PCDHGA6: variants seen among roughly 807,000 people sequenced by gnomAD.
PCDHGA6 encodes protocadherin gamma subfamily A, 6.
In PCDHGA6, 41 loss-of-function variants were observed where a neutral mutation model predicts 60.6. The ratio of observed to expected loss-of-function variants is 0.68; its 90% confidence interval spans 0.53 to 0.88. PCDHGA6 has a LOEUF of 0.88. PCDHGA6 is among the 40% of genes least tolerant of loss of function. PCDHGA6 has a pLI of 0.00. For missense variants in PCDHGA6, 1,312 were observed against 1,203.0 expected, an observed-to-expected ratio of 1.09 and a Z score of -1.34; for synonymous variants, 594 against 524.4, an observed-to-expected ratio of 1.13 and a Z score of -1.81.
intron 1 of PCDHGA6, among the ~76,000 whole-genome samples, chr5:141,459,324 T>G (rs2098966238): frequency 6.6e-6 from 1 of 152,226 alleles, no homozygotes; most frequent in African/African-American, 2.4e-5. Flanking sequence ...ATCCATCTTC[T>G]TTTACTCCAA....
chr5:141,400,630 A>G, intron 1 of PCDHGA6: 8 of 1,394,666 alleles, frequency 5.7e-6, no homozygotes, highest in East Asian at 2.3e-5. Flanking sequence ...TAGGGAAGTC[A>G]GAGCTGCTCA....
intron 1 of PCDHGA6, chr5:141,397,922 G>A: frequency 1.4e-6 from 1 of 731,582 alleles, no homozygotes; most frequent in Non-Finnish European, 2.2e-6. Flanking sequence ...AGATCTCCTC[G>A]CGCAGCCGCA....
At chr5:141,392,357 C>T (rs980934647) in intron 1 of PCDHGA6, 1 of 152,638 alleles carries the variant, frequency 6.6e-6, no homozygotes, top group Admixed American at 6.5e-5. Flanking sequence ...TAATCCGATG[C>T]TACAATCTGA....
Position 141,477,099 on chromosome 5 carries a change from G to C in PCDHGA6, c.2425-17708G>C. On this transcript the variant is annotated intron_variant, in intron 1 of 3. Transcript: ENST00000517434. This position sits in a 1 kb window ranked among gnomAD's most constrained non-coding sequence, Gnocchi z 4.9. ...ATTTACATCCAGGCCAAAGACAAGG[G>C]CGCCAATCCCGAAGGAGCACATTGC... 6.2e-7 allele frequency: 1 copy of C among 1,614,256 alleles called. No individual in the cohort carries two copies. Among genetic ancestry groups the C allele is most frequent in the Non-Finnish European group, 8.5e-7 (1 of 1,180,054 alleles).
intron 1 of PCDHGA6, chr5:141,413,287 T>C (rs937508313): frequency 6.2e-7 from 1 of 1,613,950 alleles, no homozygotes. Flanking sequence ...GATCTCCTAC[T>C]CAATTCCTGA....
In PCDHGA6 at chr5:141,491,759, G is replaced by C. The variant is rs746395685; in HGVS notation, c.2425-3048G>C. 3 of 1,575,392 alleles carry C rather than the reference G, an allele frequency of 1.9e-6. No individual in the cohort carries two copies. Among genetic ancestry groups the C allele is most frequent in the Non-Finnish European group, 2.6e-6 (3 of 1,161,808 alleles). ...GGGGGCGGCACTGGAGAAGCCGCCC[G>C]TCCTCATAAGGGATTGAACTTGCAT... On this transcript the variant is annotated intron_variant, in intron 1 of 3. Coordinates refer to ENST00000517434, the MANE Select transcript of PCDHGA6 (RefSeq NM_018919.3). The surrounding 1 kb of genome is among the most constrained non-coding windows in gnomAD (Gnocchi z 6.9).
intron 1 of PCDHGA6, chr5:141,383,348 T>C: frequency 6.2e-7 from 1 of 1,613,946 alleles, no homozygotes; most frequent in Admixed American, 1.7e-5. Context: ...GCTCCTGGGG[T>C]TCGGTTTCCG....
intron 1 of PCDHGA6, chr5:141,415,086 G>A (rs769093571): frequency 3.1e-6 from 5 of 1,613,554 alleles, no homozygotes; most frequent in South Asian, 1.1e-5. Flanking sequence ...GAGCCCTGCT[G>A]GACAGAGACG....
chr5:141,477,752 G>C lies in PCDHGA6; in HGVS notation c.2425-17055G>C. On this transcript the variant is annotated intron_variant, in intron 1 of 3. Coordinates refer to ENST00000517434, the MANE Select transcript of PCDHGA6 (RefSeq NM_018919.3). This position sits in a 1 kb window ranked among gnomAD's most constrained non-coding sequence, Gnocchi z 4.9. ...TCATATCAGCGATGGGGGCACCCCG[G>C]TCCTAGCCACCAACATCAGCGTGAA... The C allele has an allele frequency of 6.2e-7, 1 of 1,613,868 alleles. No homozygotes were observed.
At chr5:141,419,371 C>T (rs751971270) in intron 1 of PCDHGA6, 4 of 1,613,662 alleles carry the variant, frequency 2.5e-6, no homozygotes, top group Non-Finnish European at 8.5e-7. Flanking sequence ...TGTCGTCCTA[C>T]GTGTCCGTGA....
At chr5:141,438,583 CAT>C (rs1561889590) in intron 1 of PCDHGA6, among the ~76,000 whole-genome samples, 4 of 57,610 alleles carry the variant, frequency 6.9e-5, no homozygotes, top group African/African-American at 3.6e-4. Flanking sequence ...TACATACATA[CAT>C]ACATACATAT....
chr5:141,397,298 T>C (rs140040192), intron 1 of PCDHGA6, among the ~76,000 whole-genome samples: 13 of 152,318 alleles, frequency 8.5e-5, no homozygotes, highest in African/African-American at 2.9e-4. Context: ...AATGAATATT[T>C]CCTGAAGTAG....
chr5:141,415,761 T>TG (rs1485369884), intron 1 of PCDHGA6: 1 of 1,399,490 alleles, frequency 7.1e-7, no homozygotes, highest in Non-Finnish European at 9.3e-7. Flanking sequence ...TTTTTTTTTT[T>TG]TTTTTTTTTT....
At chr5:141,418,095 C>A (rs1246996867) in intron 1 of PCDHGA6, 1 of 1,614,006 alleles carries the variant, frequency 6.2e-7, no homozygotes, top group Middle Eastern at 1.7e-4. Context: ...AGCGTAGACG[C>A]GCAGAGCGGG....
At chr5:141,446,390 G>A (rs2098500089) in intron 1 of PCDHGA6, among the ~76,000 whole-genome samples, 1 of 152,284 alleles carries the variant, frequency 6.6e-6, no homozygotes, top group African/African-American at 2.4e-5. Context: ...ATAGATTTAA[G>A]AGAAATCGAG....
chr5:141,443,457 G>C (rs977253701), intron 1 of PCDHGA6, among the ~76,000 whole-genome samples: 12 of 152,194 alleles, frequency 7.9e-5, no homozygotes, highest in Non-Finnish European at 1.3e-4. Flanking sequence ...CTGTACTCCA[G>C]TCTGGGTGAC....
At chr5:141,377,773 A>G (rs987234769) in intron 1 of PCDHGA6, 4 of 152,220 alleles carry the variant, frequency 2.6e-5, no homozygotes, top group Admixed American at 6.5e-5. Flanking sequence ...TTTGGTGTTA[A>G]AAGACCTGAA....
At chr5:141,402,597 T>G (rs1268830791) in intron 1 of PCDHGA6, among the ~76,000 whole-genome samples, 1 of 152,254 alleles carries the variant, frequency 6.6e-6, no homozygotes, top group African/African-American at 2.4e-5. Context: ...TAGATTGCTT[T>G]TGAAATACAA....
chr5:141,409,953 CCGG>C (rs1418234891), intron 1 of PCDHGA6: 2 of 1,613,280 alleles, frequency 1.2e-6, no homozygotes, highest in Non-Finnish European at 1.7e-6. Flanking sequence ...TCTGCAGAGC[CCGG>C]CTACCTAGTG....
Sources: gnomAD v4.1 joint callset for allele counts (sites outside exome capture counted in the v4.1 genomes callset) on GRCh38, gnomAD v4.1.1 for gene constraint, Gnocchi (gnomAD v3.1) non-coding constraint, MANE v1.5 for transcripts, NCBI Gene and HGNC (gene_info 2026-07-23, HGNC 2026-07-21) for gene names.